EMID1: variants seen among roughly 807,000 people sequenced by gnomAD.
EMID1 encodes EMI domain containing 1.
Under a neutral mutation model 60.6 loss-of-function variants are expected in EMID1, and 40 were observed. That is an observed-to-expected ratio of 0.66 (90% CI 0.51 to 0.86). EMID1 has a LOEUF of 0.86. Ranked by LOEUF, EMID1 falls within the 40% of genes least tolerant of loss-of-function variation. EMID1 has a pLI of 0.00. For missense variants in EMID1, 585 were observed against 597.1 expected (o/e 0.98, Z 0.21); for synonymous variants, 242 against 231.0 (o/e 1.05, Z -0.43).
intron 10 of EMID1, 22 bp downstream of exon 10, chr22:29,233,688 C>T (rs777033572): frequency 1.2e-6 from 2 of 1,610,270 alleles, no homozygotes; most frequent in East Asian, 2.2e-5. Context: ...TCCTTGTACT[C>T]TCACCCATGT....
At position 29,225,216 on chromosome 22, in the gene EMID1, G is replaced by C. The variant is rs2040458125; in HGVS notation, c.403G>C (p.Gly135Arg). The stretch of plus-strand genomic sequence containing the variant: ...GGCGCTTCGGCCCACAGCCTTCTCA[G>C]GTGGGTCCTGGGATAGCTTCTTGAG... ...RMALRPTAFS[G>R]CLNCSKVSEL... Residue 135 changes from glycine (G) to arginine (R), a missense_variant and splice_region_variant, in exon 4 of 15, where the codon GGT becomes CGT. Transcript: ENST00000334018. 2 of 1,613,532 alleles carry C rather than the reference G, an allele frequency of 1.2e-6. No homozygotes were observed. The highest frequency in any genetic ancestry group is 2.7e-5 in the African/African-American group (2 of 75,066).
intron 9 of EMID1, 66 bp from the exon 10 acceptor site, chr22:29,233,548 A>T: frequency 6.2e-7 from 1 of 1,603,320 alleles, no homozygotes; most frequent in Non-Finnish European, 8.5e-7. Context: ...ATCAGGAGGG[A>T]GCTGATGGGG....
intron 3 of EMID1, among the ~76,000 whole-genome samples, chr22:29,218,295 GC>G (rs1296930569): frequency 6.6e-6 from 1 of 152,252 alleles, no homozygotes; most frequent in Admixed American, 6.5e-5. Flanking sequence ...AGGCTGGTGG[GC>G]TCTAGTGAAG....
At chr22:29,232,796 G>T in intron 8 of EMID1, 1 of 199,000 alleles carries the variant, frequency 5.0e-6, no homozygotes, top group African/African-American at 2.3e-5. Context: ...CACAGGCCCG[G>T]CCCCTCCTCC....
At position 29,237,532 on chromosome 22, in the gene EMID1, C is replaced by T. The variant is rs1178262969; in HGVS notation, c.1074+3183C>T. On this transcript the variant is annotated intron_variant, in intron 12 of 14. Transcript: ENST00000334018. ...CTGAGTTTCTGGCCAGGCACGGTGG[C>T]TCACGCCTATAATCCCAGCACTTTG... is the stretch of plus-strand genomic sequence containing the variant. Among the ~76,000 whole-genome samples, 2 of 143,824 alleles carry T rather than the reference C, an allele frequency of 1.4e-5. 1 individual carries two copies. The highest frequency in any genetic ancestry group is 4.2e-4 in the East Asian group (2 of 4,806). The allele number at this position is 143,824 out of a possible 152,430, so 94.4% of individuals were successfully genotyped here. A position where few individuals can be genotyped will look rare whatever the true frequency, so the allele number is the denominator to read the frequency against.
chr22:29,217,883 G>T (rs1487147931), intron 3 of EMID1, among the ~76,000 whole-genome samples: 2 of 152,194 alleles, frequency 1.3e-5, no homozygotes, highest in Admixed American at 1.3e-4. Context: ...GCCCACTCTT[G>T]TCACCTGCCC....
intron 1 of EMID1, among the ~76,000 whole-genome samples, chr22:29,212,569 C>G (rs2039931429): frequency 7.1e-6 from 1 of 140,736 alleles, no homozygotes; most frequent in Admixed American, 7.1e-5. Flanking sequence ...TGTAATGTGG[C>G]TTTTTTTTTT....
chr22:29,214,785 A>G, intron 1 of EMID1, 141 bp from the exon 2 acceptor site: 1 of 529,028 alleles, frequency 1.9e-6, no homozygotes, highest in Non-Finnish European at 3.3e-6. Context: ...GGCCCAAATG[A>G]CTTTGCAAGC....
chr22:29,227,171 A>G (rs2040545770), intron 5 of EMID1, among the ~76,000 whole-genome samples: 1 of 152,008 alleles, frequency 6.6e-6, no homozygotes, highest in Non-Finnish European at 1.5e-5. Context: ...GCTCACTGCA[A>G]CCTATGCCTC....
chr22:29,230,758 C>T (rs2040708877), intron 5 of EMID1, among the ~76,000 whole-genome samples: 1 of 152,198 alleles, frequency 6.6e-6, no homozygotes, highest in Non-Finnish European at 1.5e-5. Context: ...TCAAGACCAG[C>T]CTGGGCAACA....
chr22:29,218,324 C>T (rs947788436), intron 3 of EMID1, among the ~76,000 whole-genome samples: 2 of 152,206 alleles, frequency 1.3e-5, no homozygotes, highest in African/African-American at 2.4e-5. Context: ...CGGCACTGGG[C>T]CCTGGTTTTC....
At chr22:29,215,462 T>C in intron 2 of EMID1, 65 bp from the exon 3 acceptor site, 1 of 1,506,622 alleles carries the variant, frequency 6.6e-7, no homozygotes, top group Non-Finnish European at 9.2e-7. Context: ...CCCATGGGTG[T>C]CCAGGGCAGT....
intron 12 of EMID1, among the ~76,000 whole-genome samples, chr22:29,241,380 G>A (rs963907750): frequency 6.6e-6 from 1 of 152,130 alleles, no homozygotes; most frequent in South Asian, 2.1e-4. Context: ...AAGATGGAAT[G>A]ATAACTTCTA....
chr22:29,259,313 C>G lies in EMID1; in HGVS notation c.*369C>G, dbSNP rs1422261517. ...AGATGACAGGGCAGGGGGCAGTCTT[C>G]CTCCCCCTCCCCGACCAAACCTCGG... On this transcript the variant is annotated 3_prime_UTR_variant, in exon 15 of 15. Coordinates refer to ENST00000334018, the MANE Select transcript of EMID1 (RefSeq NM_133455.4). The G allele has an allele frequency of 4.1e-6, 1 of 244,012 alleles. No homozygotes were observed. Among genetic ancestry groups the G allele is most frequent in the Non-Finnish European group, 7.9e-6 (1 of 126,120 alleles). The allele number at this position is 244,012 out of a possible 1,614,324, so 15.1% of individuals were successfully genotyped here.
chr22:29,207,317 T>TCGGCTC (rs2039707193), intron 1 of EMID1, among the ~76,000 whole-genome samples: 2 of 152,110 alleles, frequency 1.3e-5, no homozygotes, highest in Admixed American at 1.3e-4. Context: ...TTAGCCTGAG[T>TCGGCTC]CGGCTCCGTT....
chr22:29,230,668 C>A (rs1182380457), intron 5 of EMID1, among the ~76,000 whole-genome samples: 3 of 152,092 alleles, frequency 2.0e-5, no homozygotes, highest in Non-Finnish European at 4.4e-5. Context: ...GCTGGCCTGT[C>A]CGTGGTGAGA....
At chr22:29,215,175 C>G (rs574206330) in intron 2 of EMID1, 136 bp downstream of exon 2, 1 of 1,419,452 alleles carries the variant, frequency 7.0e-7, no homozygotes, top group South Asian at 1.6e-5. Context: ...TAGCATCAGC[C>G]GACACCATTC....
At position 29,206,026 on chromosome 22, in the gene EMID1, C is replaced by A; in HGVS notation, c.-13C>A. 8.2e-7 allele frequency: 1 copy of A among 1,218,792 alleles called. No individual in the cohort carries two copies. Among genetic ancestry groups the A allele is most frequent in the Non-Finnish European group, 1.0e-6 (1 of 979,504 alleles). The allele number at this position is 1,218,792 out of a possible 1,614,324, so 75.5% of individuals were successfully genotyped here. On this transcript the variant is annotated 5_prime_UTR_variant, in exon 1 of 15. Transcript: ENST00000334018. ...ACCGCGAGGGGCCGCGCGCGGAGGG[C>A]GCCTGGTGCAGCATGGGCGGCCCGC...
Position 29,259,062 on chromosome 22 carries a change from C to A in EMID1, c.*118C>A. On this transcript the variant is annotated 3_prime_UTR_variant, in exon 15 of 15. Transcript: ENST00000334018. ...TTAATGTCCTCAGGGTCCCTTCTGC[C>A]ATCTAGGCCTTAGGGGTAAGCAGGT... 1 of 1,460,852 alleles carries A rather than the reference C, an allele frequency of 6.8e-7. No homozygotes were observed. Among genetic ancestry groups the A allele is most frequent in the Non-Finnish European group, 9.2e-7 (1 of 1,091,940 alleles). The allele number at this position is 1,460,852 out of a possible 1,614,324, so 90.5% of individuals were successfully genotyped here.
Sources: gnomAD v4.1 joint callset for allele counts (sites outside exome capture counted in the v4.1 genomes callset) on GRCh38, gnomAD v4.1.1 for gene constraint, MANE v1.5 for transcripts, NCBI Gene and HGNC (gene_info 2026-07-23, HGNC 2026-07-21) for gene names.